Variants in ZNF738 observed in about 807,000 individuals in gnomAD.
ZNF738 encodes the protein zinc finger protein 738.
ZNF738 carries 10 observed loss-of-function variants against 9.2 expected under a neutral mutation model. The ratio of observed to expected loss-of-function variants is 1.09; its 90% CI spans 0.67 to 1.85. The LOEUF (loss-of-function observed/expected upper bound fraction) is 1.85, where lower values mean the gene tolerates loss of function less well. Ranked by LOEUF, ZNF738 falls within the 40% of genes most tolerant of loss-of-function variation. The pLI, the probability that ZNF738 is intolerant of heterozygous loss-of-function variation, is 0.00. For missense variants in ZNF738, 346 were observed against 283.6 expected, an observed-to-expected ratio of 1.22 and a Z score of -1.58; for synonymous variants, 113 against 94.5, an observed-to-expected ratio of 1.20 and a Z score of -1.14.
rs1973901762 is a variant in ZNF738 at position 21,374,645 on chromosome 19, A to G, written c.97-593A>G. ...CCTTTCTTTCTTAGGTTTTCTTTGCATATGTCTATCTTTAGAAAATGAAGA... is the reference window on the plus strand; with the variant it reads ...CCTTTCTTTCTTAGGTTTTCTTTGCGTATGTCTATCTTTAGAAAATGAAGA... On this transcript the variant is annotated intron_variant, in intron 2 of 4. Coordinates refer to ENST00000683779, the MANE Select transcript of ZNF738 (RefSeq NM_001355237.2). Among the ~76,000 whole-genome samples the G allele has an allele frequency of 2.0e-5, 3 of 152,190 alleles. No homozygotes were observed. In the East Asian group the frequency reaches 5.8e-4, roughly 29 times the overall value.
chr19:21,381,317 T>G (rs950769838), intron 4 of ZNF738: 366 of 1,572,280 alleles, frequency 2.3e-4, no homozygotes, highest in Non-Finnish European at 2.5e-4. Flanking sequence ...ATAGTCCATT[T>G]CCGCTCCTAA....
In ZNF738 at chr19:21,384,882, A is replaced by G. The variant is rs1189287607; in HGVS notation, c.*1208A>G. ...AGCTTTTAACCAATCTTCAACCCTT[A>G]CTATACATAAGATAATTCATATTGG... is the stretch of plus-strand genomic sequence containing the variant. On this transcript the variant is annotated 3_prime_UTR_variant, in exon 5 of 5. Transcript: ENST00000683779. Among the ~76,000 whole-genome samples, 14 of 152,136 alleles carry G rather than the reference A, an allele frequency of 9.2e-5. No individual in the cohort carries two copies. The highest frequency in any genetic ancestry group is 1.8e-4 in the Non-Finnish European group (12 of 68,018).
At position 21,383,303 on chromosome 19, in the gene ZNF738, A is replaced by T. The variant is rs571852858; in HGVS notation, c.757A>T (p.Ile253Phe). 119 of 1,526,246 alleles carry T rather than the reference A, an allele frequency of 7.8e-5. 1 individual carries two copies. In the South Asian group the frequency reaches 1.2e-3, roughly 16 times the overall value. 94.5% of individuals were successfully genotyped at this position (1,526,246 alleles called of 1,614,324 possible). ...CTCAACCCTTACTAGACACAAGAGA[A>T]TTCATACTGGAGACAAATCCTACAA... ...WFSTLTRHKRIHTGDKSYKHE... is the reference protein window; with the variant it reads ...WFSTLTRHKRFHTGDKSYKHE... The change falls in exon 5 of 5, where the codon ATT becomes TTT. Residue 253 changes from isoleucine to phenylalanine, a missense_variant. Coordinates refer to ENST00000683779, the MANE Select transcript of ZNF738 (RefSeq NM_001355237.2).
chr19:21,373,750 C>A (rs1298117221), intron 2 of ZNF738, among the ~76,000 whole-genome samples: 1 of 145,630 alleles, frequency 6.9e-6, no homozygotes, highest in Non-Finnish European at 1.5e-5. Flanking sequence ...AAAAGCATTT[C>A]CAAAGAAGAC....
chr19:21,365,427 TC>T (rs1377379961), intron 2 of ZNF738, among the ~76,000 whole-genome samples: 1 of 152,052 alleles, frequency 6.6e-6, no homozygotes, highest in Middle Eastern at 3.2e-3. Context: ...TGACATTTCC[TC>T]CCTCTTTTGT....
intron 2 of ZNF738, among the ~76,000 whole-genome samples, chr19:21,373,330 A>T (rs1478929942): frequency 1.3e-5 from 2 of 152,180 alleles, no homozygotes; most frequent in Admixed American, 6.5e-5. Flanking sequence ...ATTGTGTCTC[A>T]TGTGACTCTA....
intron 2 of ZNF738, among the ~76,000 whole-genome samples, chr19:21,366,593 T>G (rs1973783059): frequency 6.6e-6 from 1 of 152,164 alleles, no homozygotes; most frequent in Non-Finnish European, 1.5e-5. Context: ...AAGAAAGAAT[T>G]CAGGGCAAGT....
Position 21,386,843 on chromosome 19 carries a change from G to T in ZNF738, c.*3169G>T. ...CTGCCTCAGCCTCCCGAGTAGCTGG[G>T]ATTACAGGCATGCACCACTATACCC... is the stretch of plus-strand genomic sequence containing the variant. On this transcript the variant is annotated 3_prime_UTR_variant, in exon 5 of 5. Transcript: ENST00000683779. 1 of 169,754 alleles carries T rather than the reference G, an allele frequency of 5.9e-6. No individual in the cohort carries two copies. Among genetic ancestry groups the T allele is most frequent in the Non-Finnish European group, 1.3e-5 (1 of 79,054 alleles). 10.5% of individuals were successfully genotyped at this position (169,754 alleles called of 1,614,324 possible).
intron 2 of ZNF738, among the ~76,000 whole-genome samples, chr19:21,367,221 C>G (rs1973794867): frequency 6.6e-6 from 1 of 151,850 alleles, no homozygotes; most frequent in Non-Finnish European, 1.5e-5. Context: ...CTTTTTTTGT[C>G]CTATACATTT....
At chr19:21,380,867 G>C (rs1973994432) in intron 4 of ZNF738, among the ~76,000 whole-genome samples, 1 of 152,136 alleles carries the variant, frequency 6.6e-6, no homozygotes, top group African/African-American at 2.4e-5. Context: ...GAAATGCTGA[G>C]GGGGATGCAT....
intron 2 of ZNF738, 141 bp downstream of exon 2, chr19:21,361,999 T>C (rs1022601759): frequency 1.1e-5 from 6 of 561,964 alleles, no homozygotes; most frequent in African/African-American, 3.8e-5. Context: ...GGACAATCAC[T>C]TGATCCCGGG....
At chr19:21,378,160 T>C (rs891001161) in intron 4 of ZNF738, 5 of 382,404 alleles carry the variant, frequency 1.3e-5, no homozygotes, top group African/African-American at 1.0e-4. Flanking sequence ...TTGCTAATTA[T>C]ATTTTTATAT....
intron 4 of ZNF738, among the ~76,000 whole-genome samples, chr19:21,382,548 T>C (rs920305978): frequency 1.3e-5 from 2 of 152,178 alleles, no homozygotes; most frequent in Non-Finnish European, 2.9e-5. Flanking sequence ...AATTTACTTC[T>C]AAAGGCATTA....
In ZNF738 at chr19:21,387,327, T is replaced by G. The variant is rs1302903801; in HGVS notation, c.*3653T>G. ...CCTCAGCCTCCCAAGTAGCTGGGAT[T>G]ACAGGCACCTGCCACCACGCCTGGC... On this transcript the variant is annotated 3_prime_UTR_variant, in exon 5 of 5. Coordinates refer to ENST00000683779, the MANE Select transcript of ZNF738 (RefSeq NM_001355237.2). The G allele has an allele frequency of 6.6e-6, 1 of 152,406 alleles. No homozygotes were observed. The highest frequency in any genetic ancestry group is 1.5e-5 in the Non-Finnish European group (1 of 68,222). 9.4% of individuals were successfully genotyped at this position (152,406 alleles called of 1,614,324 possible). A position where few individuals can be genotyped will look rare whatever the true frequency, so the allele number is the denominator to read the frequency against.
At chr19:21,373,071 A>AG (rs1184511956) in intron 2 of ZNF738, among the ~76,000 whole-genome samples, 3 of 152,156 alleles carry the variant, frequency 2.0e-5, no homozygotes, top group African/African-American at 7.2e-5. Flanking sequence ...CAGCATTGAC[A>AG]CGGGACTTGT....
chr19:21,381,796 CT>C, intron 4 of ZNF738: 1 of 285,676 alleles, frequency 3.5e-6, no homozygotes, highest in Non-Finnish European at 7.1e-6. Context: ...CCTGGCCAGG[CT>C]TATCTTTAAG....
At chr19:21,375,785 T>G in intron 3 of ZNF738, 84 bp from the exon 4 acceptor site, 1 of 598,794 alleles carries the variant, frequency 1.7e-6, no homozygotes. Context: ...AATATTCTAT[T>G]ACCTCCTCTT....
chr19:21,374,634 G>T (rs1973901639), intron 2 of ZNF738, among the ~76,000 whole-genome samples: 2 of 152,012 alleles, frequency 1.3e-5, no homozygotes, highest in South Asian at 4.1e-4. Flanking sequence ...TCTTTCTTAG[G>T]TTTTCTTTGC....
intron 4 of ZNF738, chr19:21,377,613 A>G (rs928699102): frequency 2.1e-6 from 1 of 475,004 alleles, no homozygotes; most frequent in African/African-American, 2.0e-5. Context: ...TTTGACTTAA[A>G]GTACTTTATG....
Sources: allele counts gnomAD v4.1 joint callset (sites outside exome capture counted in the v4.1 genomes callset), GRCh38; gene constraint gnomAD v4.1.1; transcripts MANE v1.5; gene names NCBI Gene and HGNC (gene_info 2026-07-23, HGNC 2026-07-21).